DMD: variants seen among roughly 807,000 people sequenced by gnomAD.
The protein encoded by DMD is dystrophin, also known as mutant dystrophin.
In DMD, 63 loss-of-function variants were observed where a neutral mutation model predicts 330.1. That is an observed-to-expected ratio of 0.19 (90% CI 0.16 to 0.24). The LOEUF (loss-of-function observed/expected upper bound fraction) is 0.24, where lower values mean the gene tolerates loss of function less well. Ranked by LOEUF, DMD falls within the 10% of genes least tolerant of loss-of-function variation. The pLI is 1.00. For synonymous variants in DMD, 1,223 were observed against 959.8 expected (o/e 1.27, Z -5.07); for missense variants, 3,344 against 2,684.1 (o/e 1.25, Z -5.43).
chrX:32,697,811 T>C, intron 9 of DMD, 59 bp downstream of exon 9: 2 of 1,193,769 alleles, frequency 1.7e-6, no homozygotes, highest in Non-Finnish European at 2.3e-6. Flanking sequence ...AAAAGCAGTG[T>C]TAGATTATCT....
intron 62 of DMD, among the ~76,000 whole-genome samples, chrX:31,267,384 C>T (rs1050738947): frequency 8.9e-6 from 1 of 112,357 alleles, no homozygotes; most frequent in African/African-American, 3.2e-5. Context: ...GCGATAAGGA[C>T]GTGAAATTGC....
At chrX:32,381,121 G>A (rs183813251) in intron 33 of DMD, among the ~76,000 whole-genome samples, 89 of 111,493 alleles carry the variant, frequency 8.0e-4, no homozygotes, top group African/African-American at 2.8e-3. Flanking sequence ...GAAGATAGAA[G>A]ATTAATTCTC....
intron 44 of DMD, among the ~76,000 whole-genome samples, chrX:32,113,924 G>A (rs1369630528): frequency 2.0e-5 from 2 of 102,022 alleles, no homozygotes; most frequent in Non-Finnish European, 4.0e-5. Context: ...AAATTACTAC[G>A]ATAATTTATC....
chrX:32,991,633 T>G (rs933104887), intron 2 of DMD, among the ~76,000 whole-genome samples: 2 of 110,946 alleles, frequency 1.8e-5, no homozygotes, highest in Non-Finnish European at 3.8e-5. Context: ...TACTAATACA[T>G]GTATACTTTT....
At chrX:33,081,066 G>A (rs1209198281) in intron 1 of DMD, among the ~76,000 whole-genome samples, 1 of 109,480 alleles carries the variant, frequency 9.1e-6, no homozygotes, top group Non-Finnish European at 1.9e-5. Flanking sequence ...TTATTTGCCA[G>A]TTTCTTAATC....
At chrX:31,642,806 C>T (rs999788817) in intron 54 of DMD, among the ~76,000 whole-genome samples, 1 of 111,740 alleles carries the variant, frequency 8.9e-6, no homozygotes, top group South Asian at 3.7e-4. Context: ...AACTGCAATA[C>T]CTTTTACTTG....
At chrX:32,645,317 C>A (rs1303063847) in intron 9 of DMD, among the ~76,000 whole-genome samples, 165 bp from the exon 10 acceptor site, 1 of 112,017 alleles carries the variant, frequency 8.9e-6, no homozygotes, top group African/African-American at 3.2e-5. Flanking sequence ...TTCATTTTAA[C>A]TTCCTCATGC....
At chrX:33,208,962 G>T (rs1305981129) in intron 1 of DMD, among the ~76,000 whole-genome samples, 1 of 110,789 alleles carries the variant, frequency 9.0e-6, no homozygotes, top group African/African-American at 3.3e-5. Flanking sequence ...CTACACAAGT[G>T]GTTAAAAACT....
chrX:33,001,889 T>A (rs759609546), intron 2 of DMD, among the ~76,000 whole-genome samples: 1 of 111,376 alleles, frequency 9.0e-6, no homozygotes, highest in South Asian at 3.7e-4. Context: ...CCTTTTTAAT[T>A]CTCTTTTAAA....
intron 25 of DMD, among the ~76,000 whole-genome samples, chrX:32,459,445 G>C (rs1449846834): frequency 9.0e-6 from 1 of 111,002 alleles, no homozygotes; most frequent in African/African-American, 3.3e-5. Flanking sequence ...CTTCTCAATA[G>C]GCAAGAAACA....
At chrX:31,540,189 T>C (rs1286900610) in intron 55 of DMD, among the ~76,000 whole-genome samples, 4 of 112,269 alleles carry the variant, frequency 3.6e-5, no homozygotes, top group African/African-American at 1.3e-4. Context: ...TAATAACCAT[T>C]TGAATCTCAA....
At chrX:32,773,582 C>A (rs2073857013) in intron 7 of DMD, among the ~76,000 whole-genome samples, 1 of 106,468 alleles carries the variant, frequency 9.4e-6, no homozygotes, top group Non-Finnish European at 1.9e-5. Context: ...TTACCCTTCT[C>A]AGCATCTGGT....
intron 4 of DMD, 59 bp downstream of exon 4, chrX:32,844,720 CCTCA>C (rs1032143886): frequency 2.7e-5 from 27 of 981,890 alleles, no homozygotes; most frequent in Admixed American, 1.5e-4. Flanking sequence ...GGGCCAAAGC[CCTCA>C]CTCAAACATG....
rs2060224471 is a variant in DMD at position 31,382,377 on chromosome X, T to C, written c.9085-33743A>G. Among the ~76,000 whole-genome samples, 3 of 111,327 alleles carry C rather than the reference T, an allele frequency of 2.7e-5. No individual in the cohort carries two copies. The South Asian group carries it at 1.2e-3, about 43-fold the overall frequency. ...CTTGTCATCCCTCCTATCTTCTGTCTAGTCATACTCCTATTCACCAGTCTC... is the reference window on the plus strand; with the variant it reads ...CTTGTCATCCCTCCTATCTTCTGTCCAGTCATACTCCTATTCACCAGTCTC... On this transcript the variant is annotated intron_variant, in intron 60 of 78. Coordinates refer to ENST00000357033, the MANE Select transcript of DMD (RefSeq NM_004006.3).
chrX:31,735,197 G>A (rs2086783532), intron 51 of DMD, among the ~76,000 whole-genome samples: 1 of 111,723 alleles, frequency 9.0e-6, no homozygotes, highest in Non-Finnish European at 1.9e-5. Context: ...ACACTGGGAT[G>A]CTTCTGCCTA....
intron 60 of DMD, among the ~76,000 whole-genome samples, chrX:31,387,454 C>T (rs755771414): frequency 9.5e-4 from 105 of 110,726 alleles, no homozygotes; most frequent in East Asian, 2.0e-3. Context: ...GGCTGGAGTA[C>T]AGTGGTGCAA....
intron 60 of DMD, among the ~76,000 whole-genome samples, chrX:31,443,695 T>C (rs996865192): frequency 9.0e-6 from 1 of 110,909 alleles, no homozygotes; most frequent in Non-Finnish European, 1.9e-5. Flanking sequence ...TGTAAGTTTG[T>C]GATAGGATGC....
intron 55 of DMD, among the ~76,000 whole-genome samples, chrX:31,556,802 T>C (rs1457340567): frequency 8.9e-6 from 1 of 112,464 alleles, no homozygotes; most frequent in African/African-American, 3.2e-5. Context: ...AGAAAGTTAA[T>C]ATTTAAATAA....
intron 76 of DMD, among the ~76,000 whole-genome samples, chrX:31,138,393 A>G (rs1346138264): frequency 9.0e-6 from 1 of 111,679 alleles, no homozygotes; most frequent in Non-Finnish European, 1.9e-5. Flanking sequence ...CAGATATAAT[A>G]TTTATGGCTT....
Sources: gnomAD v4.1 joint callset for allele counts (sites outside exome capture counted in the v4.1 genomes callset) on GRCh38, gnomAD v4.1.1 for gene constraint, MANE v1.5 for transcripts, NCBI Gene and HGNC (gene_info 2026-07-23, HGNC 2026-07-21) for gene names.